The following CR2 variants were observed in gnomAD, a reference collection of about 807,000 sequenced individuals.
The protein encoded by CR2 is complement C3d receptor 2, also known as complement receptor type 2.
A neutral mutation model predicts 123.0 loss-of-function variants in CR2; 96 were observed. The observed-to-expected ratio is 0.78, with a 90% confidence interval of 0.66 to 0.93. The LOEUF (loss-of-function observed/expected upper bound fraction) is 0.93, where lower values mean the gene tolerates loss of function less well. CR2 is among the 40% of genes least tolerant of loss of function. CR2 has a pLI of 0.00. For missense variants in CR2, 1,258 were observed against 1,361.0 expected (o/e 0.92, Z 1.19); for synonymous variants, 484 against 469.5 (o/e 1.03, Z -0.40).
chr1:207,468,402 G>A, intron 2 of CR2, 125 bp from the exon 3 acceptor site: 1 of 884,154 alleles, frequency 1.1e-6, no homozygotes. Context: ...TATTATGTGT[G>A]GCCCAAGACA....
chr1:207,457,987 A>T (rs80182520), intron 1 of CR2, among the ~76,000 whole-genome samples: 2,963 of 150,222 alleles, frequency 0.02, 89 homozygotes, highest in African/African-American at 0.067. Flanking sequence ...CTTGATGTGG[A>T]TGCCTAGTGT....
chr1:207,481,374 T>C (rs553656032), intron 18 of CR2, among the ~76,000 whole-genome samples: 1 of 152,228 alleles, frequency 6.6e-6, no homozygotes, highest in Admixed American at 6.5e-5. Context: ...ATATCTGACA[T>C]AAATATGCAA....
intron 1 of CR2, among the ~76,000 whole-genome samples, chr1:207,456,597 A>G (rs1392583846): frequency 6.6e-6 from 1 of 152,216 alleles, no homozygotes; most frequent in African/African-American, 2.4e-5. Flanking sequence ...CTACACTTCT[A>G]GATTTTACTC....
chr1:207,473,924 C>A (rs1336089298), intron 12 of CR2, 39 bp downstream of exon 12: 3 of 1,585,800 alleles, frequency 1.9e-6, no homozygotes, highest in Non-Finnish European at 2.6e-6. Flanking sequence ...AAGGTCTCAA[C>A]CTTGTTTTGT....
rs140203865 is a variant in CR2, at chr1:207,457,842, T to C, written c.58+3366T>C. On this transcript the variant is annotated intron_variant, in intron 1 of 19. Transcript: ENST00000367057. Reference sequence around the variant, plus strand: ...GGGGCTCAGCCCTGAGCCTCTTCTTTCTTCATTTCTTCTTCCTAAAAAACC... The same window carrying C: ...GGGGCTCAGCCCTGAGCCTCTTCTTCCTTCATTTCTTCTTCCTAAAAAACC... Among the ~76,000 whole-genome samples, 12 of 152,242 alleles carry C rather than the reference T, an allele frequency of 7.9e-5. 1 individual carries two copies. The highest frequency in any genetic ancestry group is 2.6e-4 in the African/African-American group (11 of 41,530).
chr1:207,488,861 A>G (rs1216290036), intron 19 of CR2, among the ~76,000 whole-genome samples: 1 of 152,134 alleles, frequency 6.6e-6, no homozygotes, highest in East Asian at 1.9e-4. Flanking sequence ...TAGCTCATAA[A>G]TATTTGTTGA....
At chr1:207,473,942 C>A in intron 12 of CR2, 57 bp downstream of exon 12, 1 of 1,511,380 alleles carries the variant, frequency 6.6e-7, no homozygotes, top group Non-Finnish European at 9.2e-7. Context: ...TGTGGATTAA[C>A]TTGACCTTCA....
chr1:207,454,527 A>G lies in CR2; in HGVS notation c.58+51A>G, dbSNP rs753268098. On this transcript the variant is annotated intron_variant, in intron 1 of 19. Transcript: ENST00000367057. The surrounding 1 kb of genome is among the most constrained non-coding windows in gnomAD (Gnocchi z 4.3). ...GTGGGGACGCGTCCCGGGCAGGGAA[A>G]GTTTCTGTGCCGCGATGCAAAGCAG... is the stretch of plus-strand genomic sequence containing the variant. The G allele has an allele frequency of 2.9e-6, 4 of 1,378,492 alleles. No homozygotes were observed. In the East Asian group the frequency reaches 7.4e-5, roughly 25 times the overall value. The allele number at this position is 1,378,492 out of a possible 1,614,324, so 85.4% of individuals were successfully genotyped here. A position where few individuals can be genotyped will look rare whatever the true frequency, so the allele number is the denominator to read the frequency against.
rs575070128 is a variant in CR2, at chr1:207,459,337, C to T, written c.58+4861C>T. Among the ~76,000 whole-genome samples, 386 of 150,986 alleles carry T rather than the reference C, an allele frequency of 2.6e-3. 2 individuals carry two copies. The highest frequency in any genetic ancestry group is 4.0e-3 in the Non-Finnish European group (270 of 67,706). ...TTTTTTGTTGTTTTTTTTTTTATTA[C>T]ATTAGTGACTCTATTTTGATTCTGA... On this transcript the variant is annotated intron_variant, in intron 1 of 19. Transcript: ENST00000367057.
chr1:207,481,423 C>A (rs1658599347), intron 18 of CR2, among the ~76,000 whole-genome samples: 1 of 152,030 alleles, frequency 6.6e-6, no homozygotes, highest in Non-Finnish European at 1.5e-5. Flanking sequence ...TCTCTATGAG[C>A]CAGAGCTACT....
Position 207,470,003 on chromosome 1 carries a change from A to G in CR2, c.1126A>G (p.Ile376Val). 1 of 1,613,964 alleles carries G rather than the reference A, an allele frequency of 6.2e-7. No homozygotes were observed. The highest frequency in any genetic ancestry group is 8.5e-7 in the Non-Finnish European group (1 of 1,179,910). ...TCGATATACCTATAACGACACTGTG[A>G]TATTTGCTTGCATGTTTGGCTTCAC... ...KDRYTYNDTV[I>V]FACMFGFTLK... Residue 376 changes from isoleucine (I) to valine (V), a missense_variant, in exon 6 of 20, where the codon ATA (isoleucine) becomes GTA (valine). Coordinates refer to ENST00000367057, the MANE Select transcript of CR2 (RefSeq NM_001006658.3).
intron 15 of CR2, among the ~76,000 whole-genome samples, chr1:207,477,676 C>T (rs1025180355): frequency 1.3e-5 from 2 of 152,170 alleles, no homozygotes; most frequent in African/African-American, 4.8e-5. Flanking sequence ...CAAATATAAT[C>T]TGGCTTAAAT....
chr1:207,474,376 C>A lies in CR2; in HGVS notation c.2323+53C>A, dbSNP rs1658376365. 3.0e-6 allele frequency: 4 copies of A among 1,314,126 alleles called. No homozygotes were observed. The East Asian group carries it at 6.9e-5, about 23-fold the overall frequency. The allele number at this position is 1,314,126 out of a possible 1,614,324, so 81.4% of individuals were successfully genotyped here. On this transcript the variant is annotated intron_variant, in intron 13 of 19. Coordinates refer to ENST00000367057, the MANE Select transcript of CR2 (RefSeq NM_001006658.3). ...AATGGTAATGGAGGATTAGAGAGGGCAGGCCACTGAAGAATTAGTCTACTG... is the reference window on the plus strand; with the variant it reads ...AATGGTAATGGAGGATTAGAGAGGGAAGGCCACTGAAGAATTAGTCTACTG...
In CR2 at chr1:207,454,457, C is replaced by T. The variant is rs1253297153; in HGVS notation, c.39C>T (p.Leu13=). The stretch of plus-strand genomic sequence containing the variant: ...GCCTGCTCGGGGTTTTCTTGGCTCT[C>T]GTCGCACCGGGGGTCCTCGGTGAGC... ...AAGLLGVFLA[L]VAPGVLGISC... Residue 13 remains leucine, a synonymous_variant, in exon 1 of 20, where the codon CTC becomes CTT. Coordinates refer to ENST00000367057, the MANE Select transcript of CR2 (RefSeq NM_001006658.3). This position sits in a 1 kb window ranked among gnomAD's most constrained non-coding sequence, Gnocchi z 4.3. 5.7e-6 allele frequency: 9 copies of T among 1,579,536 alleles called. No homozygotes were observed. Among genetic ancestry groups the T allele is most frequent in the South Asian group, 2.3e-5 (2 of 88,424 alleles).
Position 207,472,851 on chromosome 1 carries a change from C to T in CR2, c.1650C>T (p.Thr550=), listed in dbSNP as rs369914899. Reference sequence around the variant, plus strand: ...CCTTAGAAGATTTTCCATATGGAACCACGGTCACTTACACATGTAACCCTG... The same window carrying T: ...CCTTAGAAGATTTTCCATATGGAACTACGGTCACTTACACATGTAACCCTG... ...GSSLEDFPYG[T]TVTYTCNPGP... Residue 550 remains threonine (T), a synonymous_variant, in exon 10 of 20, where the codon ACC becomes ACT. Transcript: ENST00000367057. 35 of 1,614,004 alleles carry T rather than the reference C, an allele frequency of 2.2e-5. No homozygotes were observed. Among genetic ancestry groups the T allele is most frequent in the African/African-American group, 1.7e-4 (13 of 75,028 alleles).
rs1427118160 is a variant in CR2 at position 207,473,000 on chromosome 1, T to C, written c.1799T>C (p.Val600Ala). Residue 600 changes from valine (V) to alanine (A), a missense_variant, in exon 10 of 20, where the codon GTC (valine) becomes GCC (alanine). Transcript: ENST00000367057. ...CTGTGTAAACTTTCCCTCCTTGCTG[T>C]CCAGTGCTCACATGTCCATATTGCA... is the stretch of plus-strand genomic sequence containing the variant. ...APLCKLSLLA[V>A]QCSHVHIANG... 9.9e-6 allele frequency: 16 copies of C among 1,614,018 alleles called. No homozygotes were observed. Among genetic ancestry groups the C allele is most frequent in the Non-Finnish European group, 1.4e-5 (16 of 1,179,946 alleles).
At chr1:207,465,968 C>T (rs886560485) in intron 1 of CR2, among the ~76,000 whole-genome samples, 3 of 152,176 alleles carry the variant, frequency 2.0e-5, no homozygotes, top group African/African-American at 7.2e-5. Flanking sequence ...TTGAAGCAGC[C>T]ATTGAATAAT....
intron 1 of CR2, among the ~76,000 whole-genome samples, chr1:207,464,307 A>G (rs1253049196): frequency 6.6e-6 from 1 of 152,226 alleles, no homozygotes; most frequent in African/African-American, 2.4e-5. Flanking sequence ...GCTGAGTTGC[A>G]GTTTGGATTG....
chr1:207,469,938 C>T lies in CR2; in HGVS notation c.1061C>T (p.Pro354Leu). 1 of 1,613,980 alleles carries T rather than the reference C, an allele frequency of 6.2e-7. No homozygotes were observed. The highest frequency in any genetic ancestry group is 8.5e-7 in the Non-Finnish European group (1 of 1,179,944). ...ACTTCTGCGGTTCAGTGTCCACATC[C>T]CCAGATCCTAAGAGGCCGAATGGTA... ...LSTSAVQCPHPQILRGRMVSG... is the reference protein window; with the variant it reads ...LSTSAVQCPHLQILRGRMVSG... Residue 354 changes from proline to leucine, a missense_variant, in exon 6 of 20, where the codon CCC (proline) becomes CTC (leucine). Physicochemically the swap from Pro to Leu is moderately conservative, Grantham distance 98. Coordinates refer to ENST00000367057, the MANE Select transcript of CR2 (RefSeq NM_001006658.3).
Sources: allele counts gnomAD v4.1 joint callset (sites outside exome capture counted in the v4.1 genomes callset), GRCh38; gene constraint gnomAD v4.1.1; non-coding constraint Gnocchi (gnomAD v3.1); transcripts MANE v1.5; gene names NCBI Gene and HGNC (gene_info 2026-07-23, HGNC 2026-07-21).